ZNF469: variants seen among roughly 807,000 people sequenced by gnomAD.
ZNF469 encodes zinc finger protein 469.
Under a neutral mutation model 1.0 loss-of-function variants are expected in ZNF469, and 1 was observed. The ratio of observed to expected loss-of-function variants is 1.00; its 90% CI spans 0.35 to 4.73. The LOEUF (loss-of-function observed/expected upper bound fraction) is 4.73, where lower values mean the gene tolerates loss of function less well. Ranked by LOEUF, ZNF469 falls within the 30% of genes most tolerant of loss-of-function variation. The pLI is 0.16. For missense variants in ZNF469, 6,100 were observed against 5,356.3 expected, an observed-to-expected ratio of 1.14 and a Z score of -4.33; for synonymous variants, 2,703 against 2,363.4, an observed-to-expected ratio of 1.14 and a Z score of -4.17.
the ZNF469 span, among the ~76,000 whole-genome samples, chr16:88,331,097 C>T: frequency 2.0e-5 from 3 of 151,124 alleles, no homozygotes; most frequent in African/African-American, 7.3e-5. Flanking sequence ...CCACTATCAC[C>T]ATTGTCACCA....
the ZNF469 span, among the ~76,000 whole-genome samples, chr16:88,261,700 A>G: frequency 7.5e-3 from 1,146 of 152,094 alleles, 13 homozygotes; most frequent in African/African-American, 0.026. This position sits in a 1 kb window ranked among gnomAD's most constrained non-coding sequence, Gnocchi z 6.0. Context: ...CAGCCCTACC[A>G]CAGGGCAAGT....
At chr16:88,402,562 C>T (rs1267877372) in intron 1 of ZNF469, among the ~76,000 whole-genome samples, 1 of 152,140 alleles carries the variant, frequency 6.6e-6, no homozygotes, top group Non-Finnish European at 1.5e-5. Flanking sequence ...CAGTTTCCCT[C>T]TGTGAGTAGA....
At chr16:88,102,607 C>T in the ZNF469 span, among the ~76,000 whole-genome samples, 753 of 152,364 alleles carry the variant, frequency 4.9e-3, 5 homozygotes, top group African/African-American at 0.017. Context: ...GGCCACCCTT[C>T]GGCTCTGGTC....
the ZNF469 span, among the ~76,000 whole-genome samples, chr16:88,349,850 C>CCATACACTA: frequency 0.062 from 36 of 584 alleles, no homozygotes; most frequent in East Asian, 0.11. Context: ...ACACCACACA[C>CCATACACTA]AAGTGCACAC....
intron 1 of ZNF469, among the ~76,000 whole-genome samples, chr16:88,422,224 A>C (rs1269438014): frequency 7.0e-6 from 1 of 143,112 alleles, no homozygotes. Context: ...GAGTGGGTGG[A>C]TAGATGGGTG....
chr16:88,108,708 C>T, the ZNF469 span, among the ~76,000 whole-genome samples: 1 of 152,200 alleles, frequency 6.6e-6, no homozygotes, highest in African/African-American at 2.4e-5. Flanking sequence ...TCTTTCAGGG[C>T]CTTGCCCACT....
At chr16:88,212,579 T>G in the ZNF469 span, among the ~76,000 whole-genome samples, 1 of 152,176 alleles carries the variant, frequency 6.6e-6, no homozygotes, top group East Asian at 1.9e-4. Context: ...CCTTATTTAT[T>G]TATTGACATT....
the ZNF469 span, among the ~76,000 whole-genome samples, chr16:88,192,911 AGGTGAT>A: frequency 1.1e-5 from 1 of 90,818 alleles, no homozygotes; most frequent in Non-Finnish European, 2.3e-5. Context: ...GTGATGATGG[AGGTGAT>A]GGTGATGATG....
At chr16:88,171,000 T>C in the ZNF469 span, among the ~76,000 whole-genome samples, 9 of 152,206 alleles carry the variant, frequency 5.9e-5, no homozygotes, top group African/African-American at 2.2e-4. The surrounding 1 kb of genome is among the most constrained non-coding windows in gnomAD (Gnocchi z 4.2). Context: ...AGTTAAACAC[T>C]CACCCTAGGA....
chr16:88,144,665 T>A, the ZNF469 span, among the ~76,000 whole-genome samples: 2 of 152,228 alleles, frequency 1.3e-5, no homozygotes, highest in East Asian at 3.9e-4. Flanking sequence ...ATCACCCGTG[T>A]GGCCCAGCGA....
Position 88,436,065 on chromosome 16 carries a change from A to T in ZNF469, c.8595A>T (p.Pro2865=). 7 of 1,550,182 alleles carry T rather than the reference A, an allele frequency of 4.5e-6. No individual in the cohort carries two copies. The highest frequency in any genetic ancestry group is 6.1e-6 in the Non-Finnish European group (7 of 1,146,980). ...DEVSFSQLFP[P]GGRLTRKRNP... ...TCTCTTTCTCCCAGCTCTTCCCTCC[A>T]GGCGGTCGCTTGACTAGAAAGAGGA... The change falls in exon 3 of 3, where the codon CCA becomes CCT. Residue 2865 remains proline (P), a synonymous_variant. Coordinates refer to ENST00000565624, the MANE Select transcript of ZNF469 (RefSeq NM_001367624.2).
Position 88,428,100 on chromosome 16 carries a change from C to T in ZNF469, c.630C>T (p.Pro210=). 1.3e-6 allele frequency: 2 copies of T among 1,549,782 alleles called. No individual in the cohort carries two copies. The highest frequency in any genetic ancestry group is 1.4e-5 in the African/African-American group (1 of 73,148). ...SATPRPPAPG[P]PQSRGTSPLQ... is the part of the protein sequence containing the mutation. ...CCCCCAGGCCCCCAGCCCCGGGGCCCCCCCAGAGCAGGGGCACCAGCCCCC... is the reference window on the plus strand; with the variant it reads ...CCCCCAGGCCCCCAGCCCCGGGGCCTCCCCAGAGCAGGGGCACCAGCCCCC... Residue 210 remains proline, a synonymous_variant, in exon 3 of 3, where the codon CCC becomes CCT. Transcript: ENST00000565624.
the ZNF469 span, among the ~76,000 whole-genome samples, chr16:88,103,523 G>A: frequency 6.6e-6 from 1 of 152,314 alleles, no homozygotes; most frequent in East Asian, 1.9e-4. Flanking sequence ...GAGTTTGGGG[G>A]CCTGCCCTCC....
the ZNF469 span, among the ~76,000 whole-genome samples, chr16:88,321,918 T>C: frequency 3.3e-5 from 5 of 152,170 alleles, no homozygotes; most frequent in Non-Finnish European, 7.4e-5. Flanking sequence ...ACAGGTGGGA[T>C]GGAACCCAGG....
chr16:88,318,890 C>T, the ZNF469 span, among the ~76,000 whole-genome samples: 1 of 152,276 alleles, frequency 6.6e-6, no homozygotes, highest in Non-Finnish European at 1.5e-5. Context: ...TGGTGACCGT[C>T]CTCACCAGGG....
the ZNF469 span, among the ~76,000 whole-genome samples, chr16:88,329,561 T>A: frequency 6.6e-6 from 1 of 152,114 alleles, no homozygotes; most frequent in Non-Finnish European, 1.5e-5. Context: ...GGCTCCCTTC[T>A]CAGAGGCGAG....
the ZNF469 span, among the ~76,000 whole-genome samples, chr16:88,193,093 ATGGTGTTGATGGTGGTGG>A: frequency 1.9e-5 from 1 of 52,846 alleles, no homozygotes; most frequent in Non-Finnish European, 3.8e-5. Flanking sequence ...GGTGGTGGTG[ATGGTGTTGATGGTGGTGG>A]TGGTGATGGT....
the ZNF469 span, among the ~76,000 whole-genome samples, chr16:88,199,204 A>G: frequency 0.91 from 138,291 of 152,280 alleles, 63,150 homozygotes; most frequent in East Asian, 1. Context: ...GGCACCGCCC[A>G]CCTGGCAGAT....
At chr16:88,161,168 A>G in the ZNF469 span, among the ~76,000 whole-genome samples, 1 of 151,876 alleles carries the variant, frequency 6.6e-6, no homozygotes, top group Non-Finnish European at 1.5e-5. Context: ...CTCAAAAAAA[A>G]AAAAACGGGC....
Sources: gnomAD v4.1 joint callset for allele counts (sites outside exome capture counted in the v4.1 genomes callset) on GRCh38, gnomAD v4.1.1 for gene constraint, Gnocchi (gnomAD v3.1) non-coding constraint, MANE v1.5 for transcripts, NCBI Gene and HGNC (gene_info 2026-07-23, HGNC 2026-07-21) for gene names.